Variants in REV3L observed in about 807,000 individuals in gnomAD.
REV3L encodes REV3 like, DNA directed polymerase zeta catalytic subunit, also known as DNA polymerase zeta catalytic subunit.
A neutral mutation model predicts 299.4 loss-of-function variants in REV3L; 69 were observed. The ratio of observed to expected loss-of-function variants is 0.23; its 90% confidence interval spans 0.19 to 0.28. The LOEUF (loss-of-function observed/expected upper bound fraction) is 0.28. REV3L is among the 10% of genes least tolerant of loss of function. The pLI is 1.00. For missense variants in REV3L, 3,128 were observed against 3,693.8 expected, an observed-to-expected ratio of 0.85 and a Z score of 3.97; for synonymous variants, 1,238 against 1,271.4, an observed-to-expected ratio of 0.97 and a Z score of 0.56.
chr6:111,442,032 T>A (rs914802143), intron 1 of REV3L, among the ~76,000 whole-genome samples: 1 of 152,184 alleles, frequency 6.6e-6, no homozygotes, highest in Non-Finnish European at 1.5e-5. Context: ...GGGGCTGGAG[T>A]TAGATACTTC....
chr6:111,390,428 T>C (rs1781803410), intron 5 of REV3L, among the ~76,000 whole-genome samples: 1 of 152,136 alleles, frequency 6.6e-6, no homozygotes, highest in African/African-American at 2.4e-5. Context: ...TTTTGGTTCA[T>C]TATATTTTAT....
At chr6:111,393,683 G>A (rs924297386) in intron 4 of REV3L, among the ~76,000 whole-genome samples, 19 of 151,778 alleles carry the variant, frequency 1.3e-4, no homozygotes, top group African/African-American at 3.9e-4. Flanking sequence ...CCAGCCTCTA[G>A]TAACTACCTT....
intron 25 of REV3L, among the ~76,000 whole-genome samples, chr6:111,327,059 C>T (rs1287016159): frequency 1.3e-5 from 2 of 152,122 alleles, no homozygotes; most frequent in African/African-American, 2.4e-5. Context: ...CTGAGTTCAC[C>T]GTGCAAAGCA....
chr6:111,455,552 A>T (rs1409097613), intron 1 of REV3L, among the ~76,000 whole-genome samples: 1 of 152,176 alleles, frequency 6.6e-6, no homozygotes, highest in Admixed American at 6.5e-5. Flanking sequence ...ATAAGGGCTG[A>T]ATTTGAAAAC....
At chr6:111,391,086 G>A (rs956740237) in intron 5 of REV3L, among the ~76,000 whole-genome samples, 100 of 140,344 alleles carry the variant, frequency 7.1e-4, no homozygotes, top group Non-Finnish European at 1.1e-3. Context: ...TTTTTTTTCA[G>A]ATGGAGTCTC....
intron 2 of REV3L, chr6:111,412,075 T>G (rs1156878731): frequency 2.2e-5 from 22 of 984,898 alleles, no homozygotes; most frequent in Non-Finnish European, 2.5e-5. Flanking sequence ...CAGCTGTTTA[T>G]TATTATTTTA....
At chr6:111,389,958 C>T (rs1456360431) in intron 6 of REV3L, 128 bp downstream of exon 6, 14 of 565,858 alleles carry the variant, frequency 2.5e-5, no homozygotes, top group South Asian at 8.0e-5. Context: ...AGGATGGTCT[C>T]GATCTGACCT....
chr6:111,398,395 T>C (rs1782746318), intron 4 of REV3L, among the ~76,000 whole-genome samples: 1 of 151,948 alleles, frequency 6.6e-6, no homozygotes. Flanking sequence ...GCTCCATTTA[T>C]TCCTCTTTTA....
chr6:111,416,585 A>G (rs1336293296), intron 1 of REV3L, 113 bp from the exon 2 acceptor site: 5 of 856,026 alleles, frequency 5.8e-6, no homozygotes, highest in Non-Finnish European at 8.8e-6. Context: ...CTAAGGGAAG[A>G]GTTGAAAAAA....
At chr6:111,396,342 CT>C (rs1404708638) in intron 4 of REV3L, among the ~76,000 whole-genome samples, 5 of 150,910 alleles carry the variant, frequency 3.3e-5, no homozygotes, top group Non-Finnish European at 7.4e-5. Context: ...ATAAATTTCA[CT>C]TGATCATGGT....
intron 11 of REV3L, among the ~76,000 whole-genome samples, chr6:111,378,541 T>C (rs1780528768): frequency 6.6e-6 from 1 of 152,122 alleles, no homozygotes; most frequent in Non-Finnish European, 1.5e-5. Flanking sequence ...AGAGGTCCAG[T>C]CCAACTTTCT....
intron 18 of REV3L, among the ~76,000 whole-genome samples, chr6:111,353,156 A>G (rs1030533651): frequency 8.5e-5 from 13 of 152,208 alleles, no homozygotes; most frequent in Admixed American, 1.3e-4. Context: ...GCCTCAGCCA[A>G]TGTCTACAGT....
chr6:111,458,508 T>C (rs1466892682), intron 1 of REV3L, among the ~76,000 whole-genome samples: 2 of 152,110 alleles, frequency 1.3e-5, no homozygotes, highest in Non-Finnish European at 2.9e-5. Flanking sequence ...TCTTTGCTAA[T>C]GGTATGATTC....
intron 1 of REV3L, among the ~76,000 whole-genome samples, chr6:111,434,618 C>CA (rs1280352557): frequency 0.052 from 4,053 of 78,496 alleles, 201 homozygotes; most frequent in African/African-American, 0.17. Context: ...GACTCCGTCT[C>CA]AAAAAAAAAA....
intron 1 of REV3L, among the ~76,000 whole-genome samples, chr6:111,418,869 G>C (rs554722464): frequency 1.3e-5 from 2 of 152,266 alleles, no homozygotes; most frequent in South Asian, 4.1e-4. Flanking sequence ...CATGGTATGT[G>C]CTTAACAAAC....
Position 111,426,863 on chromosome 6 carries a change from T to C in REV3L, c.140-10391A>G, listed in dbSNP as rs184093625. Reference sequence around the variant, plus strand: ...TTCTAACAGTAGTTTCAAGCACAAATCTCCAAGAAAATGTGCACCTTTCAG... The same window carrying C: ...TTCTAACAGTAGTTTCAAGCACAAACCTCCAAGAAAATGTGCACCTTTCAG... On this transcript the variant is annotated intron_variant, in intron 1 of 31. Coordinates refer to ENST00000368802, the MANE Select transcript of REV3L (RefSeq NM_001372078.1). 1.9e-4 allele frequency among the ~76,000 whole-genome samples: 29 copies of C among 152,194 alleles called. No homozygotes were observed. In the East Asian group the frequency reaches 3.1e-3, roughly 16 times the overall value.
At position 111,374,719 on chromosome 6, in the gene REV3L, T is replaced by C; in HGVS notation, c.3636A>G (p.Gln1212=). 1 of 1,613,204 alleles carries C rather than the reference T, an allele frequency of 6.2e-7. No homozygotes were observed. The highest frequency in any genetic ancestry group is 8.5e-7 in the Non-Finnish European group (1 of 1,179,808). Residue 1212 remains glutamine (Q), a synonymous_variant, in exon 13 of 32, where the codon CAA becomes CAG. Transcript: ENST00000368802. The part of the protein sequence containing the change: ...DDGKKKPRAK[Q]KTNEKGTSRK... Reference sequence around the variant, plus strand: ...TCGATGTACCTTTCTCATTTGTTTTTTGTTTTGCTCTTGGTTTCTTTTTTC... The same window carrying C: ...TCGATGTACCTTTCTCATTTGTTTTCTGTTTTGCTCTTGGTTTCTTTTTTC...
rs184209949 is a variant in REV3L at position 111,357,533 on chromosome 6, A to G, written c.7073-408T>C. Among the ~76,000 whole-genome samples, 26 of 152,210 alleles carry G rather than the reference A, an allele frequency of 1.7e-4. No homozygotes were observed. In the East Asian group the frequency reaches 4.4e-3, roughly 26 times the overall value. ...TGGTGAAACCCCGTCTCTACTAAAA[A>G]ATACAAAGAATTAGCTGGGCATGGT... On this transcript the variant is annotated intron_variant, in intron 17 of 31. Coordinates refer to ENST00000368802, the MANE Select transcript of REV3L (RefSeq NM_001372078.1).
At chr6:111,368,220 A>T (rs562157594) in intron 13 of REV3L, among the ~76,000 whole-genome samples, 192 bp from the exon 14 acceptor site, 1 of 152,170 alleles carries the variant, frequency 6.6e-6, no homozygotes, top group African/African-American at 2.4e-5. Context: ...GTATATGACT[A>T]CTACTTAATT....
Sources: allele counts gnomAD v4.1 joint callset (sites outside exome capture counted in the v4.1 genomes callset), GRCh38; gene constraint gnomAD v4.1.1; transcripts MANE v1.5; gene names NCBI Gene and HGNC (gene_info 2026-07-23, HGNC 2026-07-21).